The following CAMTA1 variants were observed in gnomAD, a reference collection of about 807,000 sequenced individuals.
The protein encoded by CAMTA1 is calmodulin binding transcription activator 1, also known as calmodulin-binding transcription activator 1.
A neutral mutation model predicts 170.9 loss-of-function variants in CAMTA1; 27 were observed. The observed-to-expected ratio is 0.16, with a 90% confidence interval of 0.12 to 0.22. CAMTA1 has a LOEUF of 0.22. CAMTA1 is among the 10% of genes least tolerant of loss of function. CAMTA1 has a pLI of 1.00. For synonymous variants in CAMTA1, 833 were observed against 891.5 expected (o/e 0.93, Z 1.17); for missense variants, 1,619 against 2,217.2 (o/e 0.73, Z 5.42).
At chr1:7,340,445 A>G (rs1235944393) in intron 5 of CAMTA1, among the ~76,000 whole-genome samples, 2 of 152,108 alleles carry the variant, frequency 1.3e-5, no homozygotes, top group Middle Eastern at 3.2e-3. Context: ...AGATGCAGAC[A>G]TGTCTCTATG....
chr1:7,726,064 G>A (rs1263084113), intron 11 of CAMTA1, among the ~76,000 whole-genome samples: 1 of 152,250 alleles, frequency 6.6e-6, no homozygotes, highest in Non-Finnish European at 1.5e-5. Flanking sequence ...CAGAGGTTCT[G>A]CACCAGAAGT....
At chr1:6,853,641 T>C (rs1029946252) in intron 3 of CAMTA1, among the ~76,000 whole-genome samples, 1 of 152,026 alleles carries the variant, frequency 6.6e-6, no homozygotes, top group Non-Finnish European at 1.5e-5. Flanking sequence ...AAAGCAAAGA[T>C]TGGGAAATTG....
chr1:7,180,094 C>T (rs1231575429), intron 4 of CAMTA1, among the ~76,000 whole-genome samples: 7 of 152,060 alleles, frequency 4.6e-5, no homozygotes, highest in African/African-American at 7.2e-5. Context: ...AGGCCGGGTG[C>T]GGTGGCTCAC....
At chr1:7,218,245 GT>G (rs1660101057) in intron 4 of CAMTA1, among the ~76,000 whole-genome samples, 1 of 152,178 alleles carries the variant, frequency 6.6e-6, no homozygotes, top group Admixed American at 6.5e-5. Context: ...CATCGTTGAG[GT>G]TTTTAATTCA....
At chr1:7,421,893 C>T (rs1240066211) in intron 5 of CAMTA1, among the ~76,000 whole-genome samples, 2 of 151,978 alleles carry the variant, frequency 1.3e-5, no homozygotes, top group African/African-American at 4.8e-5. Flanking sequence ...CACTGGAAGC[C>T]TCCCTCCCCT....
In CAMTA1 at chr1:7,143,308, A is replaced by G. The variant is rs776221777; in HGVS notation, c.302+51937A>G. ...GCAGCCTCCATTCTCATCAGATATTATGTATTTGGAAAATGAATCTTATCC... is the reference window on the plus strand; with the variant it reads ...GCAGCCTCCATTCTCATCAGATATTGTGTATTTGGAAAATGAATCTTATCC... On this transcript the variant is annotated intron_variant, in intron 4 of 22. Coordinates refer to ENST00000303635, the MANE Select transcript of CAMTA1 (RefSeq NM_015215.4). 5.9e-5 allele frequency among the ~76,000 whole-genome samples: 9 copies of G among 152,198 alleles called. 1 individual carries two copies. Among genetic ancestry groups the G allele is most frequent in the Admixed American group, 3.3e-4 (5 of 15,278 alleles).
At chr1:7,554,360 T>G (rs1167809997) in intron 6 of CAMTA1, among the ~76,000 whole-genome samples, 9 of 152,144 alleles carry the variant, frequency 5.9e-5, no homozygotes, top group Non-Finnish European at 1.3e-4. Flanking sequence ...CTGTTCTAGG[T>G]GTGAGGTTGC....
rs958240703 is a variant in CAMTA1, at chr1:7,580,814, G to A, written c.511-59586G>A. Among the ~76,000 whole-genome samples the A allele has an allele frequency of 2.0e-5, 3 of 152,172 alleles. No individual in the cohort carries two copies. Among genetic ancestry groups the A allele is most frequent in the Admixed American group, 6.5e-5 (1 of 15,282 alleles). On this transcript the variant is annotated intron_variant, in intron 6 of 22. Coordinates refer to ENST00000303635, the MANE Select transcript of CAMTA1 (RefSeq NM_015215.4). This position sits in a 1 kb window ranked among gnomAD's most constrained non-coding sequence, Gnocchi z 4.3. ...CCCCAACCAAGATCTCCTCCAACCC[G>A]TGCCCATCACAAGCCCATCCTTAGA...
chr1:7,186,418 A>C (rs986905372), intron 4 of CAMTA1, among the ~76,000 whole-genome samples: 1 of 152,226 alleles, frequency 6.6e-6, no homozygotes, highest in African/African-American at 2.4e-5. Context: ...TACCAAAGAA[A>C]TGATAGCTTT....
chr1:7,362,843 G>T (rs1017094910), intron 5 of CAMTA1, among the ~76,000 whole-genome samples: 7 of 152,172 alleles, frequency 4.6e-5, no homozygotes, highest in South Asian at 4.2e-4. Context: ...CGGTAGGACT[G>T]GTAGACTTGA....
chr1:7,522,714 T>C (rs999962328), intron 6 of CAMTA1, among the ~76,000 whole-genome samples: 2 of 152,268 alleles, frequency 1.3e-5, no homozygotes, highest in African/African-American at 4.8e-5. Context: ...GTGTTTTGTT[T>C]TGGTTTTGGC....
At chr1:6,933,158 C>T (rs1684708926) in intron 3 of CAMTA1, among the ~76,000 whole-genome samples, 1 of 152,094 alleles carries the variant, frequency 6.6e-6, no homozygotes, top group African/African-American at 2.4e-5. Context: ...CCCCTGACCT[C>T]ACATGATCCT....
chr1:6,929,144 G>A (rs540863362), intron 3 of CAMTA1, among the ~76,000 whole-genome samples: 1 of 152,230 alleles, frequency 6.6e-6, no homozygotes, highest in Admixed American at 6.5e-5. Context: ...TTAGAATAAA[G>A]AACAGTTCTT....
chr1:6,849,941 A>G (rs1176802945), intron 3 of CAMTA1, among the ~76,000 whole-genome samples: 1 of 151,770 alleles, frequency 6.6e-6, no homozygotes, highest in Non-Finnish European at 1.5e-5. Flanking sequence ...AGGCTGAGGC[A>G]CGAGAATCAC....
chr1:7,493,483 G>A (rs1246192230), intron 6 of CAMTA1, among the ~76,000 whole-genome samples: 5 of 151,100 alleles, frequency 3.3e-5, no homozygotes, highest in Admixed American at 6.6e-5. Context: ...ATAAACAGGC[G>A]TGCACACACA....
intron 5 of CAMTA1, among the ~76,000 whole-genome samples, chr1:7,454,359 G>A (rs2092902597): frequency 6.6e-6 from 1 of 152,256 alleles, no homozygotes; most frequent in Non-Finnish European, 1.5e-5. Context: ...GAGGAGGTTT[G>A]TGTTTATCGA....
chr1:6,913,649 T>C (rs1439780928), intron 3 of CAMTA1, among the ~76,000 whole-genome samples: 1 of 152,018 alleles, frequency 6.6e-6, no homozygotes, highest in Non-Finnish European at 1.5e-5. Context: ...GCGTTTCTGT[T>C]TGATTCAGCA....
chr1:7,673,255 G>A lies in CAMTA1; in HGVS notation c.2779+2218G>A, dbSNP rs1180526630. On this transcript the variant is annotated intron_variant, in intron 10 of 22. Transcript: ENST00000303635. This position sits in a 1 kb window ranked among gnomAD's most constrained non-coding sequence, Gnocchi z 4.6. ...CCCGGGGCTGGAGTCAGCCACACTC[G>A]GGTCCATCCCAGATCAGCCAGAAAC... is the stretch of plus-strand genomic sequence containing the variant. Among the ~76,000 whole-genome samples, 3 of 152,180 alleles carry A rather than the reference G, an allele frequency of 2.0e-5. No homozygotes were observed. Among genetic ancestry groups the A allele is most frequent in the South Asian group, 2.1e-4 (1 of 4,832 alleles).
At chr1:6,886,770 C>T (rs1299621678) in intron 3 of CAMTA1, among the ~76,000 whole-genome samples, 1 of 152,192 alleles carries the variant, frequency 6.6e-6, no homozygotes, top group Non-Finnish European at 1.5e-5. Context: ...TACAGCCACT[C>T]CCTTTTTGAC....
Sources: allele counts gnomAD v4.1 joint callset (sites outside exome capture counted in the v4.1 genomes callset), GRCh38; gene constraint gnomAD v4.1.1; non-coding constraint Gnocchi (gnomAD v3.1); transcripts MANE v1.5; gene names NCBI Gene and HGNC (gene_info 2026-07-23, HGNC 2026-07-21).